Variants in OGDHL observed in about 807,000 individuals in gnomAD.
OGDHL encodes 2-oxoglutarate dehydrogenase-like, mitochondrial.
A neutral mutation model predicts 109.6 loss-of-function variants in OGDHL; 79 were observed. That is an observed-to-expected ratio of 0.72 (90% CI 0.60 to 0.87). OGDHL has a LOEUF of 0.87. Ranked by LOEUF, OGDHL falls within the 40% of genes least tolerant of loss-of-function variation. OGDHL has a pLI of 0.00. For missense variants in OGDHL, 1,275 were observed against 1,362.2 expected (o/e 0.94, Z 1.01); for synonymous variants, 528 against 537.2 (o/e 0.98, Z 0.24).
intron 13 of OGDHL, 75 bp from the exon 14 acceptor site, chr10:49,744,197 G>A (rs900604464): frequency 6.4e-7 from 1 of 1,557,264 alleles, no homozygotes; most frequent in Admixed American, 1.8e-5. Context: ...TGCCTCCCCA[G>A]GACTGAGTGG....
intron 3 of OGDHL, among the ~76,000 whole-genome samples, chr10:49,753,717 C>T (rs1260223347): frequency 6.6e-6 from 1 of 151,946 alleles, no homozygotes; most frequent in Non-Finnish European, 1.5e-5. Flanking sequence ...ATGGTGAAAC[C>T]CCATCTCTAC....
chr10:49,743,124 G>T, intron 14 of OGDHL, 146 bp from the exon 15 acceptor site: 1 of 1,055,246 alleles, frequency 9.5e-7, no homozygotes, highest in Non-Finnish European at 1.3e-6. Flanking sequence ...AGGGCCCAGG[G>T]CCAGGCACCC....
intron 1 of OGDHL, among the ~76,000 whole-genome samples, chr10:49,759,549 AC>A (rs1843140546): frequency 6.6e-6 from 1 of 151,878 alleles, no homozygotes; most frequent in Non-Finnish European, 1.5e-5. Flanking sequence ...ATCCTGGAGA[AC>A]CCCCCAGATA....
chr10:49,740,634 C>A, intron 16 of OGDHL, 76 bp downstream of exon 16: 1 of 1,537,666 alleles, frequency 6.5e-7, no homozygotes, highest in Non-Finnish European at 8.8e-7. Context: ...AGGCCCTGGC[C>A]CCGGTCCCTT....
Position 49,746,717 on chromosome 10 carries a change from C to T in OGDHL, c.1296+33G>A, listed in dbSNP as rs145915346. 88 of 1,609,082 alleles carry T rather than the reference C, an allele frequency of 5.5e-5. No homozygotes were observed. The African/African-American group carries it at 1.1e-3, about 20-fold the overall frequency. ...GCCTGGATTTCCAGGGATGCTGACG[C>T]TGTGAGGCCCAGCGTGGAGCCTACA... On this transcript the variant is annotated intron_variant, in intron 10 of 22. Coordinates refer to ENST00000374103, the MANE Select transcript of OGDHL (RefSeq NM_018245.3).
At chr10:49,735,459 G>T (rs1240098160) in intron 22 of OGDHL, 108 bp from the exon 23 acceptor site, 8 of 1,342,862 alleles carry the variant, frequency 6.0e-6, no homozygotes, top group Non-Finnish European at 8.2e-6. Flanking sequence ...CGCTGACCTC[G>T]AAGCCATAGA....
Position 49,742,918 on chromosome 10 carries a change from G to A in OGDHL, c.1922C>T (p.Ala641Val), listed in dbSNP as rs775184335. 13 of 1,613,852 alleles carry A rather than the reference G, an allele frequency of 8.1e-6. No homozygotes were observed. The highest frequency in any genetic ancestry group is 3.3e-5 in the South Asian group (3 of 91,090). The change falls in exon 15 of 23, where the codon GCG becomes GTG. Residue 641 changes from alanine (A) to valine (V), a missense_variant. Ala to Val is a moderately conservative substitution (Grantham distance 64). Transcript: ENST00000374103. ...DMTKNRTVDWALAEYMAFGSL... is the reference protein window; with the variant it reads ...DMTKNRTVDWVLAEYMAFGSL... ...GCCAAAGGCCATGTACTCTGCCAAC[G>A]CCCAGTCCACCGTCCGGTTCTTGGT...
In OGDHL at chr10:49,748,592, G is replaced by C. The variant is rs958193167; in HGVS notation, c.987+1134C>G. The stretch of plus-strand genomic sequence containing the variant: ...GCCAAGTTTTCCACTATACACACAG[G>C]TCATCTTTGACTCATTGCAACCATT... On this transcript the variant is annotated intron_variant, in intron 8 of 22. Transcript: ENST00000374103. Among the ~76,000 whole-genome samples, 82 of 152,168 alleles carry C rather than the reference G, an allele frequency of 5.4e-4. 1 individual carries two copies. The highest frequency in any genetic ancestry group is 1.9e-3 in the African/African-American group (80 of 41,506).
At chr10:49,760,966 A>G (rs539434872) in intron 1 of OGDHL, among the ~76,000 whole-genome samples, 9 of 152,348 alleles carry the variant, frequency 5.9e-5, no homozygotes, top group Admixed American at 5.9e-4. Flanking sequence ...GTGCAGGAAC[A>G]CTGTTTTATA....
chr10:49,744,019 G>A lies in OGDHL; in HGVS notation c.1836C>T (p.Pro612=), dbSNP rs374345994. 16 of 1,613,312 alleles carry A rather than the reference G, an allele frequency of 9.9e-6. No individual in the cohort carries two copies. Among genetic ancestry groups the A allele is most frequent in the Admixed American group, 6.7e-5 (4 of 59,934 alleles). Reference sequence around the variant, plus strand: ...CAGTGTGGATCTTAAAGTCCTCCAGGGGCACAGAGCTGGCCACACTGCCGA... The same window carrying A: ...CAGTGTGGATCTTAAAGTCCTCCAGAGGCACAGAGCTGGCCACACTGCCGA... ...THIGSVASSV[P]LEDFKIHTGL... is the part of the protein sequence containing the mutation. Residue 612 remains proline, a synonymous_variant, in exon 14 of 23, where the codon CCC becomes CCT. Coordinates refer to ENST00000374103, the MANE Select transcript of OGDHL (RefSeq NM_018245.3).
intron 1 of OGDHL, among the ~76,000 whole-genome samples, chr10:49,761,087 C>T (rs1843245103): frequency 6.6e-6 from 1 of 152,192 alleles, no homozygotes; most frequent in Admixed American, 6.5e-5. Context: ...GGCATGAGGG[C>T]TCAGTATCTA....
In OGDHL at chr10:49,740,719, C is replaced by T. The variant is rs774592855; in HGVS notation, c.2131G>A (p.Gly711Arg). 44 of 1,613,476 alleles carry T rather than the reference C, an allele frequency of 2.7e-5. No homozygotes were observed. The South Asian group carries it at 4.6e-4, about 17-fold the overall frequency. ...GAGAGCGTGGACCCACCCAGGACTC[C>T]GTACTCCGAGAGGGAGCTGTTGCAC... The part of the protein sequence containing the change: ...TVCNSSLSEY[G>R]VLGFELGYAM... Residue 711 changes from glycine (G) to arginine (R), a missense_variant, in exon 16 of 23, where the codon GGA becomes AGA. Transcript: ENST00000374103.
intron 10 of OGDHL, 86 bp downstream of exon 10, chr10:49,746,664 G>C: frequency 1.3e-6 from 2 of 1,543,376 alleles, no homozygotes; most frequent in South Asian, 2.4e-5. Context: ...TCAGAGCCAG[G>C]AGCATCTCAC....
In OGDHL at chr10:49,744,844, A is replaced by G; in HGVS notation, c.1630-92T>C. ...GGACTCGTAAGTCCTGGTCCCCATC[A>G]CCAAGTTCTTCTAGAACTCTCTGTC... On this transcript the variant is annotated intron_variant, in intron 12 of 22. Coordinates refer to ENST00000374103, the MANE Select transcript of OGDHL (RefSeq NM_018245.3). 4 of 1,014,064 alleles carry G rather than the reference A, an allele frequency of 3.9e-6. No individual in the cohort carries two copies. In the Admixed American group the frequency reaches 7.3e-5, roughly 18 times the overall value. The allele number at this position is 1,014,064 out of a possible 1,614,324, so 62.8% of individuals were successfully genotyped here. A position where few individuals can be genotyped will look rare whatever the true frequency, so the allele number is the denominator to read the frequency against.
rs1489216962 is a variant in OGDHL at position 49,738,006 on chromosome 10, T to G, written c.2458A>C (p.Thr820Pro). ...DCNWIVVNCS[T>P]PANYFHVLRR... Reference sequence around the variant, plus strand: ...AGCACGTGGAAGTAGTTGGCCGGTGTGGAGCAGTTGACCACGATCCAGTTG... The same window carrying G: ...AGCACGTGGAAGTAGTTGGCCGGTGGGGAGCAGTTGACCACGATCCAGTTG... Residue 820 changes from threonine (T) to proline (P), a missense_variant, in exon 19 of 23, where the codon ACA (threonine) becomes CCA (proline). By Grantham distance (38) the Thr-to-Pro change is conservative. Coordinates refer to ENST00000374103, the MANE Select transcript of OGDHL (RefSeq NM_018245.3). 1 of 1,614,138 alleles carries G rather than the reference T, an allele frequency of 6.2e-7. No homozygotes were observed. The highest frequency in any genetic ancestry group is 1.3e-5 in the African/African-American group (1 of 75,028).
chr10:49,747,524 C>T lies in OGDHL; in HGVS notation c.988-316G>A, dbSNP rs529808092. ...GAGAAGGGCAGTGCCTAGGCATCAG[C>T]GCAGAGACCCTCGGCCAGGCCACCA... is the stretch of plus-strand genomic sequence containing the variant. On this transcript the variant is annotated intron_variant, in intron 8 of 22. Transcript: ENST00000374103. 6.2e-4 allele frequency among the ~76,000 whole-genome samples: 95 copies of T among 152,302 alleles called. 1 individual carries two copies. The highest frequency in any genetic ancestry group is 2.1e-3 in the African/African-American group (89 of 41,576).
At chr10:49,747,353 TCTC>T (rs1842273654) in intron 8 of OGDHL, 145 bp from the exon 9 acceptor site, 1 of 831,182 alleles carries the variant, frequency 1.2e-6, no homozygotes, top group Middle Eastern at 2.5e-4. Flanking sequence ...CTGACCCCTC[TCTC>T]CTCATCACAC....
At chr10:49,761,952 G>C (rs896979311) in intron 1 of OGDHL, among the ~76,000 whole-genome samples, 38 of 152,322 alleles carry the variant, frequency 2.5e-4, no homozygotes, top group African/African-American at 9.1e-4. Context: ...TGAAGTCCTC[G>C]GGCTGGAGAA....
Position 49,756,916 on chromosome 10 carries a change from C to T in OGDHL, c.235G>A (p.Glu79Lys), listed in dbSNP as rs769638776. ...SWDSFFREAS[E>K]EAFSGSAQPR... The stretch of plus-strand genomic sequence containing the variant: ...TGAGCAGAGCCAGAAAAGGCTTCCT[C>T]GCTGGCTTCCCTGAAGAAGCTGTCC... The change falls in exon 3 of 23, where the codon GAG becomes AAG. Residue 79 changes from glutamate to lysine, a missense_variant. Glu to Lys is a moderately conservative substitution (Grantham distance 56). Transcript: ENST00000374103. The T allele has an allele frequency of 6.2e-7, 1 of 1,613,720 alleles. No homozygotes were observed. The highest frequency in any genetic ancestry group is 8.5e-7 in the Non-Finnish European group (1 of 1,179,838).
Sources: allele counts gnomAD v4.1 joint callset (sites outside exome capture counted in the v4.1 genomes callset), GRCh38; gene constraint gnomAD v4.1.1; transcripts MANE v1.5; gene names NCBI Gene and HGNC (gene_info 2026-07-23, HGNC 2026-07-21).